MED27: variants seen among roughly 807,000 people sequenced by gnomAD.
MED27 encodes the protein mediator of RNA polymerase II transcription subunit 27.
A neutral mutation model predicts 38.2 loss-of-function variants in MED27; 30 were observed. That is an observed-to-expected ratio of 0.79 (90% CI 0.59 to 1.07). The LOEUF (loss-of-function observed/expected upper bound fraction) is 1.07, where lower values mean the gene tolerates loss of function less well. Ranked by LOEUF, MED27 falls within the 50% of genes least tolerant of loss-of-function variation. The pLI is 0.00. For missense variants in MED27, 289 were observed against 397.5 expected, an observed-to-expected ratio of 0.73 and a Z score of 2.32; for synonymous variants, 122 against 153.5, an observed-to-expected ratio of 0.79 and a Z score of 1.52.
chr9:131,860,443 A>G lies in MED27; in HGVS notation c.*95T>C, dbSNP rs1838632378. The G allele has an allele frequency of 7.3e-7, 1 of 1,375,326 alleles. No homozygotes were observed. Among genetic ancestry groups the G allele is most frequent in the Non-Finnish European group, 9.7e-7 (1 of 1,032,980 alleles). The allele number at this position is 1,375,326 out of a possible 1,614,324, so 85.2% of individuals were successfully genotyped here. Reference sequence around the variant, plus strand: ...ATGAAAGGGAGGAGCAGCTGTACACATCTGGGCAGTGAGGAACCAGCTGAG... The same window carrying G: ...ATGAAAGGGAGGAGCAGCTGTACACGTCTGGGCAGTGAGGAACCAGCTGAG... On this transcript the variant is annotated 3_prime_UTR_variant, in exon 8 of 8. Transcript: ENST00000292035. The surrounding 1 kb of genome is among the most constrained non-coding windows in gnomAD (Gnocchi z 5.8).
chr9:132,009,637 A>G (rs983722438), intron 3 of MED27, among the ~76,000 whole-genome samples: 1 of 152,216 alleles, frequency 6.6e-6, no homozygotes, highest in African/African-American at 2.4e-5. Context: ...TCCTAATCCC[A>G]GCCAAACCTC....
At chr9:131,950,216 G>C (rs546538569) in intron 3 of MED27, among the ~76,000 whole-genome samples, 3 of 152,168 alleles carry the variant, frequency 2.0e-5, no homozygotes, top group Non-Finnish European at 4.4e-5. Context: ...AATTAACAAC[G>C]GTTATTAAGT....
Position 131,893,867 on chromosome 9 carries a change from A to C in MED27, c.681+18T>G. ...GATACAGAAAACCAAGGAACACACA[A>C]GACTGCACAATGCTTACCTTGCCAT... On this transcript the variant is annotated intron_variant, in intron 5 of 7. Coordinates refer to ENST00000292035, the MANE Select transcript of MED27 (RefSeq NM_004269.4). The C allele has an allele frequency of 6.3e-7, 1 of 1,585,100 alleles. No homozygotes were observed.
chr9:131,968,404 G>A (rs913819696), intron 3 of MED27, among the ~76,000 whole-genome samples: 1 of 150,430 alleles, frequency 6.6e-6, no homozygotes, highest in Non-Finnish European at 1.5e-5. Context: ...AGCCCAGGAG[G>A]TTGAGGCTGC....
chr9:131,988,604 A>G (rs1042933468), intron 3 of MED27, among the ~76,000 whole-genome samples: 1 of 152,224 alleles, frequency 6.6e-6, no homozygotes, highest in Admixed American at 6.5e-5. Context: ...TATAATACAT[A>G]TAACATACAA....
At chr9:131,978,775 A>G (rs1394844588) in intron 3 of MED27, among the ~76,000 whole-genome samples, 1 of 152,244 alleles carries the variant, frequency 6.6e-6, no homozygotes, top group Non-Finnish European at 1.5e-5. Context: ...CTGGATCCAA[A>G]TGGGCTGAAA....
intron 3 of MED27, among the ~76,000 whole-genome samples, chr9:131,981,738 T>A (rs1021036103): frequency 6.6e-6 from 1 of 152,158 alleles, no homozygotes; most frequent in African/African-American, 2.4e-5. Context: ...CACCCAGTCA[T>A]CACACTGCTA....
At chr9:131,986,978 G>A (rs1831863652) in intron 3 of MED27, among the ~76,000 whole-genome samples, 1 of 147,172 alleles carries the variant, frequency 6.8e-6, no homozygotes, top group Non-Finnish European at 1.5e-5. Context: ...AAGACTCATG[G>A]GCCTTTCCTT....
chr9:131,966,206 AAAAAAAAAAC>A (rs1165658701), intron 3 of MED27, among the ~76,000 whole-genome samples: 4 of 139,314 alleles, frequency 2.9e-5, no homozygotes, highest in African/African-American at 1.1e-4. Context: ...CTTTAAAAAA[AAAAAAAAAAC>A]AAAACAAAAC....
At chr9:132,019,393 G>C (rs1384002449) in intron 2 of MED27, among the ~76,000 whole-genome samples, 5 of 152,156 alleles carry the variant, frequency 3.3e-5, no homozygotes, top group Admixed American at 3.3e-4. Flanking sequence ...GGCCTCTTAC[G>C]AAAGCAAACA....
chr9:131,897,506 T>C (rs929669225), intron 4 of MED27, among the ~76,000 whole-genome samples: 1 of 152,232 alleles, frequency 6.6e-6, no homozygotes, highest in African/African-American at 2.4e-5. Context: ...AGCGTTATTA[T>C]TGTATGAGAT....
At chr9:131,967,443 C>G (rs1017881084) in intron 3 of MED27, among the ~76,000 whole-genome samples, 1 of 151,652 alleles carries the variant, frequency 6.6e-6, no homozygotes, top group Non-Finnish European at 1.5e-5. Context: ...GTTGCACTTA[C>G]GGCAGAGTCT....
intron 3 of MED27, among the ~76,000 whole-genome samples, chr9:132,011,255 T>TA (rs1251312507): frequency 6.6e-6 from 1 of 150,876 alleles, no homozygotes; most frequent in Non-Finnish European, 1.5e-5. Flanking sequence ...CTATTGCTTT[T>TA]AAAAACTATA....
intron 3 of MED27, among the ~76,000 whole-genome samples, chr9:132,006,913 C>G (rs1832371033): frequency 6.6e-6 from 1 of 152,190 alleles, no homozygotes; most frequent in Non-Finnish European, 1.5e-5. Flanking sequence ...CTCTGACTTT[C>G]AAGAACAGAA....
intron 2 of MED27, among the ~76,000 whole-genome samples, chr9:132,044,179 G>A (rs1277746981): frequency 6.6e-6 from 1 of 152,100 alleles, no homozygotes; most frequent in Admixed American, 6.5e-5. Flanking sequence ...CTGAAGTTTG[G>A]GGGCAGACAC....
intron 4 of MED27, among the ~76,000 whole-genome samples, chr9:131,908,685 C>T (rs1193685481): frequency 3.3e-5 from 5 of 152,114 alleles, no homozygotes; most frequent in East Asian, 3.9e-4. Context: ...GCAGCATGCT[C>T]GTTAAGAGTC....
At chr9:132,049,164 A>C (rs962851018) in intron 2 of MED27, among the ~76,000 whole-genome samples, 3 of 152,232 alleles carry the variant, frequency 2.0e-5, no homozygotes, top group Non-Finnish European at 2.9e-5. Flanking sequence ...CTCATTGTGC[A>C]GGAAAAGTTA....
chr9:131,895,050 G>A (rs906648532), intron 4 of MED27, among the ~76,000 whole-genome samples: 1 of 152,072 alleles, frequency 6.6e-6, no homozygotes, highest in Admixed American at 6.5e-5. Context: ...AAAAGCCCTC[G>A]CCAGACGGTG....
Position 131,982,320 on chromosome 9 carries a change from G to T in MED27, c.479+32017C>A, listed in dbSNP as rs1831753451. Among the ~76,000 whole-genome samples, 1 of 152,174 alleles carries T rather than the reference G, an allele frequency of 6.6e-6. No homozygotes were observed. The highest frequency in any genetic ancestry group is 1.5e-5 in the Non-Finnish European group (1 of 68,026). Reference sequence around the variant, plus strand: ...AAGAGATCACGTGCAGAGGCCACACGGAGAGGGAGGGGCTCTGAGGCTACA... The same window carrying T: ...AAGAGATCACGTGCAGAGGCCACACTGAGAGGGAGGGGCTCTGAGGCTACA... On this transcript the variant is annotated intron_variant, in intron 3 of 7. Coordinates refer to ENST00000292035, the MANE Select transcript of MED27 (RefSeq NM_004269.4). This position sits in a 1 kb window ranked among gnomAD's most constrained non-coding sequence, Gnocchi z 4.3.
Sources: allele counts gnomAD v4.1 joint callset (sites outside exome capture counted in the v4.1 genomes callset), GRCh38; gene constraint gnomAD v4.1.1; non-coding constraint Gnocchi (gnomAD v3.1); transcripts MANE v1.5; gene names NCBI Gene and HGNC (gene_info 2026-07-23, HGNC 2026-07-21).